Variants in SLIT2 observed in about 807,000 individuals in gnomAD.
SLIT2 encodes slit homolog 2 protein.
Under a neutral mutation model 185.7 loss-of-function variants are expected in SLIT2, and 41 were observed. That is an observed-to-expected ratio of 0.22 (90% CI 0.17 to 0.29). SLIT2 has a LOEUF of 0.29. Among genes scored for constraint, SLIT2 ranks in the 10% least tolerant of loss-of-function variants. The pLI, the probability that SLIT2 is intolerant of heterozygous loss-of-function variation, is 1.00. For synonymous variants in SLIT2, 693 were observed against 680.2 expected, an observed-to-expected ratio of 1.02 and a Z score of -0.29; for missense variants, 1,571 against 1,909.0, an observed-to-expected ratio of 0.82 and a Z score of 3.30.
chr4:20,529,694 G>T (rs1721611948), intron 16 of SLIT2, among the ~76,000 whole-genome samples: 1 of 152,176 alleles, frequency 6.6e-6, no homozygotes, highest in Non-Finnish European at 1.5e-5. Flanking sequence ...AAGTGCTAAG[G>T]TGTTTGTTGG....
intron 4 of SLIT2, among the ~76,000 whole-genome samples, chr4:20,317,693 A>T (rs139027114): frequency 6.6e-6 from 1 of 152,184 alleles, no homozygotes; most frequent in Non-Finnish European, 1.5e-5. Context: ...TGTTCCTGTC[A>T]GTAACTGGTG....
At chr4:20,305,381 A>G (rs1422352319) in intron 4 of SLIT2, among the ~76,000 whole-genome samples, 1 of 152,220 alleles carries the variant, frequency 6.6e-6, no homozygotes, top group Non-Finnish European at 1.5e-5. Flanking sequence ...ACTGAAATTA[A>G]TGAACAAATT....
At position 20,596,681 on chromosome 4, in the gene SLIT2, A is replaced by G. The variant is rs200854216; in HGVS notation, c.3561+26A>G. The G allele has an allele frequency of 1.7e-3, 2,716 of 1,596,236 alleles. 3 individuals are homozygous for G. The highest frequency in any genetic ancestry group is 2.0e-3 in the Non-Finnish European group (2,354 of 1,173,900). On this transcript the variant is annotated intron_variant, in intron 32 of 36. Transcript: ENST00000504154. ...GTAAGAGATCTCTCTCTATGGAGAG[A>G]TGATCGGATCTTAAAATTCAGCTTC...
In SLIT2 at chr4:20,536,041, T is replaced by C. The variant is rs149728819; in HGVS notation, c.1832+2326T>C. Among the ~76,000 whole-genome samples, 104 of 152,308 alleles carry C rather than the reference T, an allele frequency of 6.8e-4. No individual in the cohort carries two copies. The East Asian group carries it at 0.019, about 27-fold the overall frequency. On this transcript the variant is annotated intron_variant, in intron 18 of 36. Transcript: ENST00000504154. Reference sequence around the variant, plus strand: ...TTACTGTACTGAATACTGTAGGCAATTGTTACTAACACAATGTAAAGTATT... The same window carrying C: ...TTACTGTACTGAATACTGTAGGCAACTGTTACTAACACAATGTAAAGTATT...
At chr4:20,349,841 A>G (rs1450255763) in intron 4 of SLIT2, among the ~76,000 whole-genome samples, 1 of 152,206 alleles carries the variant, frequency 6.6e-6, no homozygotes, top group Non-Finnish European at 1.5e-5. Flanking sequence ...ATCATGGCCT[A>G]TAGTGCTCTA....
At chr4:20,392,930 G>T (rs1029003048) in intron 4 of SLIT2, among the ~76,000 whole-genome samples, 1 of 151,960 alleles carries the variant, frequency 6.6e-6, no homozygotes, top group African/African-American at 2.4e-5. Flanking sequence ...ATTAGTAGGA[G>T]TACATGCTAA....
chr4:20,594,602 A>G (rs1403630868), intron 30 of SLIT2, among the ~76,000 whole-genome samples: 1 of 152,078 alleles, frequency 6.6e-6, no homozygotes, highest in Non-Finnish European at 1.5e-5. Flanking sequence ...TCCACAGTGC[A>G]GTTTGAAAAC....
intron 4 of SLIT2, among the ~76,000 whole-genome samples, chr4:20,305,822 G>A (rs920812489): frequency 2.0e-5 from 3 of 150,938 alleles, no homozygotes; most frequent in Non-Finnish European, 3.0e-5. Context: ...GCAGTGAGCC[G>A]AGATAATGCC....
chr4:20,260,937 A>C (rs987627246), intron 3 of SLIT2, among the ~76,000 whole-genome samples: 2 of 129,620 alleles, frequency 1.5e-5, no homozygotes, highest in African/African-American at 7.9e-5. Flanking sequence ...CTCTCTAACT[A>C]GCTCCTTCCC....
intron 4 of SLIT2, among the ~76,000 whole-genome samples, chr4:20,427,627 C>G (rs1728657836): frequency 6.6e-6 from 1 of 150,826 alleles, no homozygotes; most frequent in Non-Finnish European, 1.5e-5. Context: ...TGTCTTTGAA[C>G]AAGTGAAGTG....
chr4:20,504,264 G>C (rs1195852921), intron 9 of SLIT2, among the ~76,000 whole-genome samples: 1 of 152,128 alleles, frequency 6.6e-6, no homozygotes, highest in Non-Finnish European at 1.5e-5. Context: ...AGATTCAGAA[G>C]CTAGTCATTC....
rs115832408 is a variant in SLIT2, at chr4:20,565,852, A to G, written c.2726-1410A>G. On this transcript the variant is annotated intron_variant, in intron 26 of 36. Coordinates refer to ENST00000504154, the MANE Select transcript of SLIT2 (RefSeq NM_004787.4). ...GTGGATACATTTCAAGAGTTTTTTA[A>G]TCGATAGGAAAGCTAAACACTACAG... Among the ~76,000 whole-genome samples the G allele has an allele frequency of 9.1e-3, 1,383 of 152,148 alleles. 35 individuals are homozygous for G. Among genetic ancestry groups the G allele is most frequent in the African/African-American group, 0.032 (1,332 of 41,548 alleles).
At chr4:20,456,071 G>A (rs1713031966) in intron 4 of SLIT2, among the ~76,000 whole-genome samples, 1 of 152,044 alleles carries the variant, frequency 6.6e-6, no homozygotes, top group South Asian at 2.1e-4. Context: ...AAAAACCTGG[G>A]TTCAGGGGAC....
intron 9 of SLIT2, among the ~76,000 whole-genome samples, chr4:20,494,365 C>T (rs184141706): frequency 3.9e-5 from 6 of 152,184 alleles, no homozygotes; most frequent in African/African-American, 9.6e-5. Flanking sequence ...ATGAGTGATG[C>T]GGAGGTTGTG....
At chr4:20,579,947 C>A (rs1726397953) in intron 29 of SLIT2, among the ~76,000 whole-genome samples, 1 of 146,008 alleles carries the variant, frequency 6.8e-6, no homozygotes, top group Non-Finnish European at 1.5e-5. Flanking sequence ...AAATGTAAAT[C>A]AACTCAAATA....
intron 4 of SLIT2, among the ~76,000 whole-genome samples, chr4:20,346,756 T>A (rs1347116804): frequency 6.6e-6 from 1 of 152,178 alleles, no homozygotes; most frequent in African/African-American, 2.4e-5. Context: ...CCCCTGACTA[T>A]CCACTGGTGT....
chr4:20,555,493 A>G (rs1419157021), intron 26 of SLIT2, among the ~76,000 whole-genome samples: 1 of 152,090 alleles, frequency 6.6e-6, no homozygotes, highest in East Asian at 1.9e-4. Context: ...TTTTGTTAAG[A>G]TTAGATAATA....
At chr4:20,269,910 C>A (rs867404657) in intron 4 of SLIT2, among the ~76,000 whole-genome samples, 1 of 151,834 alleles carries the variant, frequency 6.6e-6, no homozygotes, top group African/African-American at 2.4e-5. Flanking sequence ...ACCTTAACAA[C>A]CTTAACTTAC....
chr4:20,598,152 C>T, intron 32 of SLIT2, 113 bp from the exon 33 acceptor site: 1 of 922,142 alleles, frequency 1.1e-6, no homozygotes, highest in Non-Finnish European at 1.6e-6. Flanking sequence ...TCATAGCCAT[C>T]AGGAAAACAT....
Sources: allele counts gnomAD v4.1 joint callset (sites outside exome capture counted in the v4.1 genomes callset), GRCh38; gene constraint gnomAD v4.1.1; transcripts MANE v1.5; gene names NCBI Gene and HGNC (gene_info 2026-07-23, HGNC 2026-07-21).